TTC28: variants seen among roughly 807,000 people sequenced by gnomAD.
The protein encoded by TTC28 is tetratricopeptide repeat domain 28.
Under a neutral mutation model 198.0 loss-of-function variants are expected in TTC28, and 61 were observed. The ratio of observed to expected loss-of-function variants is 0.31; its 90% CI spans 0.25 to 0.38. The LOEUF is 0.38. Among genes scored for constraint, TTC28 ranks in the 10% least tolerant of loss-of-function variants. The pLI, the probability that TTC28 is intolerant of heterozygous loss-of-function variation, is 1.00. For synonymous variants in TTC28, 1,171 were observed against 1,297.8 expected (o/e 0.90, Z 2.10); for missense variants, 2,678 against 3,164.0 (o/e 0.85, Z 3.69).
chr22:28,447,838 G>A (rs969183823), intron 2 of TTC28, among the ~76,000 whole-genome samples: 14 of 152,068 alleles, frequency 9.2e-5, no homozygotes, highest in African/African-American at 1.7e-4. Flanking sequence ...CCTTTGGGTC[G>A]CTTATTTGTG....
At position 28,513,803 on chromosome 22, in the gene TTC28, ATG is replaced by A. The variant is rs1394056547; in HGVS notation, c.381+115747_381+115748del. 2.0e-5 allele frequency among the ~76,000 whole-genome samples: 3 copies of A among 152,110 alleles called. No individual in the cohort carries two copies. In the South Asian group the frequency reaches 6.2e-4, roughly 32 times the overall value. On this transcript the variant is annotated intron_variant, in intron 2 of 22. Coordinates refer to ENST00000397906, the MANE Select transcript of TTC28 (RefSeq NM_001145418.2). ...ACATATATGTTTCTTATATGTATATATGTGTATATGTATATTAAAAATCTAAA... is the reference window on the plus strand; with the variant it reads ...ACATATATGTTTCTTATATGTATATATGTATATGTATATTAAAAATCTAAA...
chr22:28,125,062 A>C (rs1276525414), intron 6 of TTC28, among the ~76,000 whole-genome samples: 2 of 152,222 alleles, frequency 1.3e-5, no homozygotes, highest in Non-Finnish European at 2.9e-5. Context: ...TGAGTGTTAC[A>C]TATACCTTTC....
chr22:28,175,082 G>A (rs1008080050), intron 5 of TTC28, among the ~76,000 whole-genome samples: 5 of 148,492 alleles, frequency 3.4e-5, no homozygotes, highest in Admixed American at 6.7e-5. Flanking sequence ...GATGAGACTA[G>A]ACTCCTTCTC....
intron 2 of TTC28, among the ~76,000 whole-genome samples, chr22:28,527,534 G>A (rs2049028806): frequency 6.6e-6 from 1 of 152,032 alleles, no homozygotes; most frequent in African/African-American, 2.4e-5. Flanking sequence ...TCTCCAACAA[G>A]GTTTCAGACA....
At chr22:28,313,303 T>C (rs2045298350) in intron 2 of TTC28, among the ~76,000 whole-genome samples, 1 of 152,162 alleles carries the variant, frequency 6.6e-6, no homozygotes, top group African/African-American at 2.4e-5. Flanking sequence ...GCTGATACCA[T>C]TGCTTCTGAA....
intron 2 of TTC28, among the ~76,000 whole-genome samples, chr22:28,330,125 C>G (rs1390934950): frequency 2.0e-5 from 3 of 152,038 alleles, no homozygotes; most frequent in Non-Finnish European, 4.4e-5. Context: ...CAAAAAGAGC[C>G]ATCAGAATAG....
intron 2 of TTC28, among the ~76,000 whole-genome samples, chr22:28,448,075 T>C (rs949704618): frequency 6.6e-6 from 1 of 152,210 alleles, no homozygotes; most frequent in Non-Finnish European, 1.5e-5. Context: ...ATAGAGCTAC[T>C]AAGCCAGCAT....
intron 2 of TTC28, among the ~76,000 whole-genome samples, chr22:28,583,954 T>G (rs1175746963): frequency 1.3e-5 from 2 of 151,644 alleles, no homozygotes; most frequent in African/African-American, 4.8e-5. Flanking sequence ...TCTAATTATC[T>G]CAATCATGTA....
In TTC28 at chr22:28,098,930, C is replaced by T. The variant is rs1234968248; in HGVS notation, c.3532G>A (p.Val1178Met). The change falls in exon 10 of 23, where the codon GTG becomes ATG. Residue 1178 changes from valine (V) to methionine (M), a missense_variant. This residue lies in a region of TTC28 where 727 missense variants were observed against 861.9 expected (regional missense o/e 0.84). Coordinates refer to ENST00000397906, the MANE Select transcript of TTC28 (RefSeq NM_001145418.2). The part of the protein sequence containing the change: ...QTSSYQALQR[V>M]LVSLGHHDEA... ...CTGTTCTCACCTAGGCTGACGAGCA[C>T]CCGCTGCAAGGCCTGGTAGGATGAT... 6.4e-7 allele frequency: 1 copy of T among 1,551,576 alleles called. No individual in the cohort carries two copies. Among genetic ancestry groups the T allele is most frequent in the Non-Finnish European group, 8.7e-7 (1 of 1,146,990 alleles).
chr22:28,620,897 C>G (rs2050984499), intron 2 of TTC28, among the ~76,000 whole-genome samples: 1 of 152,194 alleles, frequency 6.6e-6, no homozygotes, highest in Non-Finnish European at 1.5e-5. Context: ...GGAAATTTCT[C>G]AAGAGTTTCA....
chr22:28,614,817 C>T (rs111295580), intron 2 of TTC28, among the ~76,000 whole-genome samples: 1 of 151,970 alleles, frequency 6.6e-6, no homozygotes, highest in African/African-American at 2.4e-5. Flanking sequence ...AGACTTAAAC[C>T]TAAGACCTAA....
At chr22:28,281,937 A>G (rs1387372892) in intron 5 of TTC28, among the ~76,000 whole-genome samples, 1 of 152,136 alleles carries the variant, frequency 6.6e-6, no homozygotes, top group Non-Finnish European at 1.5e-5. Context: ...AGGATTTCCC[A>G]TCTCACTTTC....
chr22:28,434,863 G>A (rs890596357), intron 2 of TTC28, among the ~76,000 whole-genome samples: 2 of 152,110 alleles, frequency 1.3e-5, no homozygotes, highest in African/African-American at 2.4e-5. Context: ...CCAAATGTCA[G>A]CTGCTCCGTA....
Position 28,208,996 on chromosome 22 carries a change from G to T in TTC28, c.934-45397C>A, listed in dbSNP as rs1360825937. Among the ~76,000 whole-genome samples, 3 of 152,150 alleles carry T rather than the reference G, an allele frequency of 2.0e-5. No individual in the cohort carries two copies. The East Asian group carries it at 5.8e-4, about 29-fold the overall frequency. The stretch of plus-strand genomic sequence containing the variant: ...CTTGAAAACCACTGACTAAAAACAG[G>T]TCAGCTGAATTAAAAGGTTTTTCAT... On this transcript the variant is annotated intron_variant, in intron 5 of 22. Transcript: ENST00000397906.
At chr22:28,494,223 G>A (rs1011417117) in intron 2 of TTC28, among the ~76,000 whole-genome samples, 2 of 152,120 alleles carry the variant, frequency 1.3e-5, no homozygotes, top group Admixed American at 6.5e-5. Context: ...AAACAAAACT[G>A]GCCTTGAGTC....
At chr22:28,063,123 T>C (rs1940614527) in intron 12 of TTC28, among the ~76,000 whole-genome samples, 1 of 152,232 alleles carries the variant, frequency 6.6e-6, no homozygotes. Flanking sequence ...TTCTTGTATC[T>C]TTAGCTAGAA....
At chr22:28,100,224 G>C (rs948682035) in intron 9 of TTC28, among the ~76,000 whole-genome samples, 1 of 152,148 alleles carries the variant, frequency 6.6e-6, no homozygotes, top group East Asian at 1.9e-4. Flanking sequence ...CTAAGACTAA[G>C]AGACATAGAC....
At chr22:28,150,163 T>C (rs1943573763) in intron 6 of TTC28, among the ~76,000 whole-genome samples, 1 of 152,176 alleles carries the variant, frequency 6.6e-6, no homozygotes, top group African/African-American at 2.4e-5. Flanking sequence ...ATCATAAGCA[T>C]AGAGCTCAAC....
chr22:28,321,992 C>T (rs1028112900), intron 2 of TTC28, among the ~76,000 whole-genome samples: 4 of 151,986 alleles, frequency 2.6e-5, no homozygotes, highest in African/African-American at 7.2e-5. Context: ...CCACCATGCC[C>T]GGCTAATTTT....
Sources: gnomAD v4.1 joint callset for allele counts (sites outside exome capture counted in the v4.1 genomes callset) on GRCh38, gnomAD v4.1.1 for gene constraint, gnomAD v4.1.1 regional missense constraint, MANE v1.5 for transcripts, NCBI Gene and HGNC (gene_info 2026-07-23, HGNC 2026-07-21) for gene names.